The following PAX2 variants were observed in gnomAD, a reference collection of about 807,000 sequenced individuals.
The protein encoded by PAX2 is paired box 2.
Under a neutral mutation model 41.7 loss-of-function variants are expected in PAX2, and 9 were observed. That is an observed-to-expected ratio of 0.22 (90% confidence interval 0.13 to 0.38). The LOEUF is 0.38. PAX2 is among the 10% of genes least tolerant of loss of function. PAX2 has a pLI of 1.00. For missense variants in PAX2, 418 were observed against 531.6 expected, an observed-to-expected ratio of 0.79 and a Z score of 2.10; for synonymous variants, 221 against 212.7, an observed-to-expected ratio of 1.04 and a Z score of -0.34.
rs745467413 is a variant in PAX2, at chr10:100,750,730, C to A, written c.249C>A (p.Ile83=). The part of the protein sequence containing the change: ...YETGSIKPGV[I]GGSKPKVATP... ...CCGGCAGCATCAAGCCGGGTGTGAT[C>A]GGTGGCTCCAAGCCCAAAGTGGCGA... Residue 83 remains isoleucine (I), a synonymous_variant, in exon 3 of 10, where the codon ATC becomes ATA. Coordinates refer to ENST00000355243, the MANE Select transcript of PAX2 (RefSeq NM_000278.5). The surrounding 1 kb of genome is among the most constrained non-coding windows in gnomAD (Gnocchi z 4.1). 6.2e-7 allele frequency: 1 copy of A among 1,614,216 alleles called. No individual in the cohort carries two copies. Among genetic ancestry groups the A allele is most frequent in the Non-Finnish European group, 8.5e-7 (1 of 1,180,028 alleles).
intron 5 of PAX2, among the ~76,000 whole-genome samples, chr10:100,801,111 TGTCCGTCTATTTA>T (rs1434552346): frequency 6.6e-6 from 1 of 152,176 alleles, no homozygotes; most frequent in Admixed American, 6.5e-5. Context: ...GCAGCCACTC[TGTCCGTCTATTTA>T]GTCCACAGCT....
intron 1 of PAX2, among the ~76,000 whole-genome samples, chr10:100,735,968 T>C (rs7914169): frequency 0.8 from 121,460 of 152,228 alleles, 48,696 homozygotes; most frequent in East Asian, 1. Context: ...GTTCTACAAC[T>C]TCGCTTGCAG....
intron 6 of PAX2, among the ~76,000 whole-genome samples, chr10:100,808,832 G>A (rs1026419562): frequency 2.6e-5 from 4 of 152,090 alleles, no homozygotes; most frequent in Non-Finnish European, 5.9e-5. Context: ...CTACCCGCAG[G>A]GGTGCTTAGG....
chr10:100,768,591 C>T (rs1194506228), intron 3 of PAX2, among the ~76,000 whole-genome samples: 2 of 152,132 alleles, frequency 1.3e-5, no homozygotes, highest in Non-Finnish European at 2.9e-5. Flanking sequence ...TATATAATTG[C>T]TCAATTTTCC....
chr10:100,746,001 G>A lies in PAX2; in HGVS notation c.-260G>A. 6 of 1,376,906 alleles carry A rather than the reference G, an allele frequency of 4.4e-6. No homozygotes were observed. The South Asian group carries it at 9.9e-5, about 23-fold the overall frequency. The allele number at this position is 1,376,906 out of a possible 1,614,324, so 85.3% of individuals were successfully genotyped here. ...CCCCGGCCCGGCCCACCGCCCCGGG[G>A]CCATTCTGCTGACCGCCCAGCCCCG... On this transcript the variant is annotated 5_prime_UTR_variant, in exon 1 of 10. Transcript: ENST00000355243.
chr10:100,792,102 T>C (rs1000511848), intron 5 of PAX2, among the ~76,000 whole-genome samples: 2 of 152,244 alleles, frequency 1.3e-5, no homozygotes, highest in Non-Finnish European at 2.9e-5. Flanking sequence ...AGATAATTAT[T>C]GGAGTCTTTT....
intron 5 of PAX2, among the ~76,000 whole-genome samples, chr10:100,799,894 C>T (rs74613012): frequency 0.023 from 3,541 of 150,910 alleles, 90 homozygotes; most frequent in African/African-American, 0.063. Flanking sequence ...AAGCGATTCT[C>T]CTGCCTCAGG....
At chr10:100,808,304 A>G (rs1847867680) in intron 6 of PAX2, among the ~76,000 whole-genome samples, 1 of 152,102 alleles carries the variant, frequency 6.6e-6, no homozygotes, top group Non-Finnish European at 1.5e-5. Flanking sequence ...TGACGAGGCA[A>G]TCCCGTCCAG....
At chr10:100,781,182 T>A (rs1846606542) in intron 4 of PAX2, 64 bp from the exon 5 acceptor site, 1 of 1,576,778 alleles carries the variant, frequency 6.3e-7, no homozygotes, top group Admixed American at 1.7e-5. Flanking sequence ...CCTTGGGGCT[T>A]TGGCCTACGA....
At chr10:100,788,114 CCT>C (rs1193313490) in intron 5 of PAX2, among the ~76,000 whole-genome samples, 2 of 152,170 alleles carry the variant, frequency 1.3e-5, no homozygotes, top group African/African-American at 4.8e-5. Context: ...ACACTCTCTC[CCT>C]CTCTCACATG....
At chr10:100,793,307 C>T (rs1253929315) in intron 5 of PAX2, among the ~76,000 whole-genome samples, 1 of 152,246 alleles carries the variant, frequency 6.6e-6, no homozygotes, top group Admixed American at 6.5e-5. Flanking sequence ...GAAAGTTGAT[C>T]TCCTCGGGGA....
chr10:100,777,793 G>A (rs1048089109), intron 3 of PAX2, among the ~76,000 whole-genome samples: 9 of 152,212 alleles, frequency 5.9e-5, no homozygotes, highest in African/African-American at 1.9e-4. Flanking sequence ...GTGGTTGTGC[G>A]AATTAACAGT....
chr10:100,737,733 C>G (rs1348803230), intron 1 of PAX2, among the ~76,000 whole-genome samples: 1 of 152,268 alleles, frequency 6.6e-6, no homozygotes, highest in East Asian at 1.9e-4. Context: ...GGGCACAACT[C>G]CCTGGAGGCC....
intron 3 of PAX2, among the ~76,000 whole-genome samples, chr10:100,764,670 G>C (rs1845957568): frequency 6.6e-6 from 1 of 150,644 alleles, no homozygotes; most frequent in African/African-American, 2.5e-5. Flanking sequence ...TGAGAGCCCA[G>C]ACCTTGTGGC....
chr10:100,783,624 A>G (rs1202996972), intron 5 of PAX2, among the ~76,000 whole-genome samples: 1 of 149,358 alleles, frequency 6.7e-6, no homozygotes, highest in African/African-American at 2.5e-5. Flanking sequence ...GCCACAGGAT[A>G]GCAGGCCAGG....
chr10:100,803,222 G>A (rs901460919), intron 5 of PAX2, among the ~76,000 whole-genome samples: 1 of 152,066 alleles, frequency 6.6e-6, no homozygotes, highest in Non-Finnish European at 1.5e-5. Context: ...TGCAGTAAGT[G>A]TCCTCACCCC....
At chr10:100,805,925 T>G (rs950918972) in intron 5 of PAX2, among the ~76,000 whole-genome samples, 1 of 152,146 alleles carries the variant, frequency 6.6e-6, no homozygotes, top group African/African-American at 2.4e-5. Flanking sequence ...AGTTGATTAC[T>G]TCACCCAGTC....
At chr10:100,749,984 G>A in intron 2 of PAX2, 70 bp downstream of exon 2, 1 of 1,548,094 alleles carries the variant, frequency 6.5e-7, no homozygotes, top group Non-Finnish European at 8.8e-7. Context: ...TCTCCAGCTG[G>A]AGGACGTGGC....
chr10:100,802,812 C>A (rs1021962051), intron 5 of PAX2, among the ~76,000 whole-genome samples: 4 of 152,158 alleles, frequency 2.6e-5, no homozygotes, highest in African/African-American at 9.7e-5. Flanking sequence ...ACGCGCTCTC[C>A]TTCCCTGCTC....
Sources: gnomAD v4.1 joint callset for allele counts (sites outside exome capture counted in the v4.1 genomes callset) on GRCh38, gnomAD v4.1.1 for gene constraint, Gnocchi (gnomAD v3.1) non-coding constraint, MANE v1.5 for transcripts, NCBI Gene and HGNC (gene_info 2026-07-23, HGNC 2026-07-21) for gene names.